The following KCNQ5 variants were observed in gnomAD, a reference collection of about 807,000 sequenced individuals.
KCNQ5 encodes the protein potassium voltage-gated channel subfamily Q member 5.
Under a neutral mutation model 98.2 loss-of-function variants are expected in KCNQ5, and 30 were observed. The observed-to-expected ratio is 0.31, with a 90% CI of 0.23 to 0.41. KCNQ5 has a LOEUF of 0.41. Among genes scored for constraint, KCNQ5 ranks in the 10% least tolerant of loss-of-function variants. The pLI is 1.00. For missense variants in KCNQ5, 835 were observed against 1,182.5 expected (o/e 0.71, Z 4.31); for synonymous variants, 458 against 449.4 (o/e 1.02, Z -0.24).
chr6:73,175,398 C>T (rs1778175213), intron 11 of KCNQ5, among the ~76,000 whole-genome samples: 2 of 152,118 alleles, frequency 1.3e-5, no homozygotes, highest in Non-Finnish European at 1.5e-5. Flanking sequence ...GATCTGCCCC[C>T]CCCTTGGCTT....
rs774133296 is a variant in KCNQ5 at position 73,169,711 on chromosome 6, G to A, written c.1469-35G>A. On this transcript the variant is annotated intron_variant, in intron 10 of 13. Coordinates refer to ENST00000370398, the MANE Select transcript of KCNQ5 (RefSeq NM_019842.4). ...CAGCAACATGTTTCAAATTGCGGATGGTGGTGTTATTTAACTGGCAATATT... is the reference window on the plus strand; with the variant it reads ...CAGCAACATGTTTCAAATTGCGGATAGTGGTGTTATTTAACTGGCAATATT... The A allele has an allele frequency of 2.1e-6, 3 of 1,405,412 alleles. No individual in the cohort carries two copies. In the Admixed American group the frequency reaches 5.0e-5, roughly 24 times the overall value. The allele number at this position is 1,405,412 out of a possible 1,614,324, so 87.1% of individuals were successfully genotyped here.
intron 2 of KCNQ5, among the ~76,000 whole-genome samples, chr6:73,036,917 C>T (rs1022519422): frequency 1.3e-5 from 2 of 152,148 alleles, no homozygotes; most frequent in African/African-American, 4.8e-5. Flanking sequence ...TTATAAGAAA[C>T]GACCATGCTC....
chr6:72,804,938 A>G, intron 1 of KCNQ5, among the ~76,000 whole-genome samples: 1 of 152,120 alleles, frequency 6.6e-6, no homozygotes, highest in Non-Finnish European at 1.5e-5. Flanking sequence ...CCTTTTTCAT[A>G]TACCTGTTTG....
chr6:72,942,472 C>G (rs941275376), intron 1 of KCNQ5, among the ~76,000 whole-genome samples: 1 of 151,822 alleles, frequency 6.6e-6, no homozygotes, highest in Non-Finnish European at 1.5e-5. Flanking sequence ...TAAGGAGGCT[C>G]AAAAATATAT....
intron 10 of KCNQ5, among the ~76,000 whole-genome samples, chr6:73,161,817 C>A (rs1426013797): frequency 6.6e-6 from 1 of 152,178 alleles, no homozygotes; most frequent in Non-Finnish European, 1.5e-5. Context: ...CTCTCTTCAT[C>A]ATCTCAAGTC....
chr6:72,941,434 C>A (rs1292670111), intron 1 of KCNQ5, among the ~76,000 whole-genome samples: 2 of 124,472 alleles, frequency 1.6e-5, no homozygotes, highest in African/African-American at 6.8e-5. Flanking sequence ...CTTCCTCCTT[C>A]CCTCCCTCTC....
intron 1 of KCNQ5, among the ~76,000 whole-genome samples, chr6:72,985,500 T>G (rs978246510): frequency 6.6e-6 from 1 of 152,230 alleles, no homozygotes; most frequent in Non-Finnish European, 1.5e-5. Flanking sequence ...GTCAGTATTG[T>G]TACAGTAACA....
chr6:73,156,662 T>C (rs1246042033), intron 10 of KCNQ5, among the ~76,000 whole-genome samples: 1 of 152,138 alleles, frequency 6.6e-6, no homozygotes, highest in Non-Finnish European at 1.5e-5. Flanking sequence ...ATTATGAACT[T>C]CTAGCCCTCA....
intron 1 of KCNQ5, among the ~76,000 whole-genome samples, chr6:72,721,538 T>G (rs1019691963): frequency 2.0e-5 from 3 of 152,148 alleles, no homozygotes; most frequent in African/African-American, 7.2e-5. Context: ...ACCACTTGCA[T>G]CAGAATCATC....
chr6:72,863,537 G>A (rs1160483611), intron 1 of KCNQ5, among the ~76,000 whole-genome samples: 2 of 152,110 alleles, frequency 1.3e-5, no homozygotes, highest in Non-Finnish European at 2.9e-5. Flanking sequence ...AGGGCTTAGG[G>A]AAAGGAAAAT....
intron 1 of KCNQ5, among the ~76,000 whole-genome samples, chr6:72,986,086 C>T (rs555033690): frequency 2.6e-5 from 4 of 152,110 alleles, no homozygotes; most frequent in Admixed American, 6.5e-5. Flanking sequence ...AAAAATTAGC[C>T]GGGCCTTGTG....
At chr6:72,800,509 T>G (rs1053845762) in intron 1 of KCNQ5, among the ~76,000 whole-genome samples, 15 of 152,174 alleles carry the variant, frequency 9.9e-5, no homozygotes, top group Non-Finnish European at 1.9e-4. Flanking sequence ...ATTTGATTCT[T>G]CTCTCTTTTC....
At chr6:72,653,893 T>C (rs796877593) in intron 1 of KCNQ5, among the ~76,000 whole-genome samples, 60 of 152,166 alleles carry the variant, frequency 3.9e-4, no homozygotes, top group African/African-American at 1.4e-3. Context: ...TCAATAAATA[T>C]TAGAAAAACT....
chr6:72,848,565 T>C (rs1439988141), intron 1 of KCNQ5, among the ~76,000 whole-genome samples: 1 of 152,176 alleles, frequency 6.6e-6, no homozygotes, highest in Non-Finnish European at 1.5e-5. Flanking sequence ...GTTTTGTAAC[T>C]CAAATAACTT....
intron 1 of KCNQ5, among the ~76,000 whole-genome samples, chr6:72,638,757 T>G (rs1466039141): frequency 6.6e-6 from 1 of 152,216 alleles, no homozygotes; most frequent in African/African-American, 2.4e-5. Context: ...TGTTATGTTT[T>G]TGTACTTGTT....
At chr6:72,779,223 G>A (rs559275011) in intron 1 of KCNQ5, among the ~76,000 whole-genome samples, 18 of 152,334 alleles carry the variant, frequency 1.2e-4, no homozygotes, top group Non-Finnish European at 2.1e-4. Flanking sequence ...GTTGACAAGA[G>A]AGGGCATTAT....
intron 1 of KCNQ5, among the ~76,000 whole-genome samples, chr6:72,945,886 T>C (rs1766521340): frequency 6.6e-6 from 1 of 152,158 alleles, no homozygotes. Flanking sequence ...TATTGACCGC[T>C]CACAAATTTT....
chr6:73,055,891 C>A (rs1772466331), intron 3 of KCNQ5: 1 of 580,258 alleles, frequency 1.7e-6, no homozygotes, highest in Non-Finnish European at 3.3e-6. Context: ...CTGCCCATTG[C>A]ATCCATCTGT....
chr6:73,042,184 G>A (rs1369277158), intron 3 of KCNQ5, 122 bp downstream of exon 3: 4 of 1,137,528 alleles, frequency 3.5e-6, no homozygotes, highest in East Asian at 4.7e-5. Flanking sequence ...TCATGGACCG[G>A]GCACTCTTGT....
Sources: gnomAD v4.1 joint callset for allele counts (sites outside exome capture counted in the v4.1 genomes callset) on GRCh38, gnomAD v4.1.1 for gene constraint, MANE v1.5 for transcripts, NCBI Gene and HGNC (gene_info 2026-07-23, HGNC 2026-07-21) for gene names.